The following SLC71A1 variants were observed in gnomAD, a reference collection of about 807,000 sequenced individuals.
The protein encoded by SLC71A1 is hippocampus abundant gene transcript 1.
At chr1:100,049,185 G>A in the SLC71A1 span, among the ~76,000 whole-genome samples, 2 of 152,086 alleles carry the variant, frequency 1.3e-5, no homozygotes, top group African/African-American at 2.4e-5. Context: ...CTCTGGCAGC[G>A]GTATAAACTT....
the SLC71A1 span, among the ~76,000 whole-genome samples, chr1:100,039,436 C>A: frequency 6.6e-6 from 1 of 152,130 alleles, no homozygotes; most frequent in African/African-American, 2.4e-5. Context: ...ACGGCCCAGT[C>A]AATATGCCAA....
At chr1:100,066,712 G>A in the SLC71A1 span, among the ~76,000 whole-genome samples, 7 of 152,046 alleles carry the variant, frequency 4.6e-5, no homozygotes, top group South Asian at 2.1e-4. Flanking sequence ...TAAATAGGCC[G>A]GGCATGGTGG....
chr1:100,049,675 C>T, the SLC71A1 span, among the ~76,000 whole-genome samples: 1 of 152,156 alleles, frequency 6.6e-6, no homozygotes, highest in South Asian at 2.1e-4. Context: ...CCCAAGCTCC[C>T]TTGGACTCTG....
the SLC71A1 span, among the ~76,000 whole-genome samples, chr1:100,055,198 CAGT>C: frequency 6.6e-6 from 1 of 152,134 alleles, no homozygotes; most frequent in Non-Finnish European, 1.5e-5. Context: ...ATTTGGCTTG[CAGT>C]AGGCCCTATG....
At chr1:100,072,008 C>G in the SLC71A1 span, among the ~76,000 whole-genome samples, 17,856 of 152,284 alleles carry the variant, frequency 0.12, 1,557 homozygotes, top group African/African-American at 0.24. Flanking sequence ...CAGCATGACA[C>G]ACACAGTCCA....
chr1:100,059,273 C>T, the SLC71A1 span, among the ~76,000 whole-genome samples: 1,569 of 149,858 alleles, frequency 0.01, 14 homozygotes, highest in Middle Eastern at 0.059. Flanking sequence ...ATTCTTCTGC[C>T]TCAGCCTCCT....
the SLC71A1 span, among the ~76,000 whole-genome samples, chr1:100,072,983 A>G: frequency 6.6e-6 from 1 of 152,036 alleles, no homozygotes; most frequent in Admixed American, 6.6e-5. Flanking sequence ...CAGCCTTAAC[A>G]TGGCCAAAAT....
At chr1:100,053,705 G>A in the SLC71A1 span, among the ~76,000 whole-genome samples, 6 of 152,270 alleles carry the variant, frequency 3.9e-5, 1 homozygote, top group South Asian at 1.2e-3. Context: ...AAAAAACTGT[G>A]TGTTGCAATT....
the SLC71A1 span, chr1:100,043,172 T>TC: frequency 3.1e-6 from 3 of 981,850 alleles, no homozygotes; most frequent in Non-Finnish European, 3.6e-6. Context: ...GAAATGTAAC[T>TC]CCTTTGCAGC....
the SLC71A1 span, among the ~76,000 whole-genome samples, chr1:100,055,633 GAT>G: frequency 6.6e-6 from 1 of 151,966 alleles, no homozygotes; most frequent in Non-Finnish European, 1.5e-5. Flanking sequence ...GGGTACATGA[GAT>G]ATTTTGATAC....
At chr1:100,054,167 C>T in the SLC71A1 span, among the ~76,000 whole-genome samples, 2 of 151,210 alleles carry the variant, frequency 1.3e-5, no homozygotes, top group African/African-American at 2.4e-5. Flanking sequence ...TCAGCCTCCC[C>T]AGTAGCTGGA....
At chr1:100,075,987 C>G in the SLC71A1 span, among the ~76,000 whole-genome samples, 1 of 152,154 alleles carries the variant, frequency 6.6e-6, no homozygotes, top group African/African-American at 2.4e-5. Flanking sequence ...CTAAATGTTT[C>G]TTTCAGTTGA....
chr1:100,070,106 T>C, the SLC71A1 span, among the ~76,000 whole-genome samples: 4 of 152,274 alleles, frequency 2.6e-5, no homozygotes, highest in Admixed American at 2.0e-4. Flanking sequence ...AAAACACCAA[T>C]GTAAACATAT....
the SLC71A1 span, among the ~76,000 whole-genome samples, chr1:100,044,620 A>G: frequency 6.8e-6 from 1 of 147,452 alleles, no homozygotes; most frequent in Non-Finnish European, 1.5e-5. Flanking sequence ...GGTTCAAGCC[A>G]TTCTCCTGCC....
At chr1:100,050,648 G>A in the SLC71A1 span, among the ~76,000 whole-genome samples, 1 of 152,056 alleles carries the variant, frequency 6.6e-6, no homozygotes, top group African/African-American at 2.4e-5. Context: ...GAGTTTTAAA[G>A]TAATATACTA....
chr1:100,066,301 C>T, the SLC71A1 span, among the ~76,000 whole-genome samples: 1 of 152,140 alleles, frequency 6.6e-6, no homozygotes, highest in Admixed American at 6.5e-5. Flanking sequence ...CAGTATGTAT[C>T]AAGATAAACG....
At chr1:100,041,939 A>C in the SLC71A1 span, among the ~76,000 whole-genome samples, 1 of 151,798 alleles carries the variant, frequency 6.6e-6, no homozygotes, top group East Asian at 1.9e-4. Context: ...AAAAAAAAGA[A>C]GTTTTTAGTT....
chr1:100,042,438 A>G, the SLC71A1 span, among the ~76,000 whole-genome samples: 1 of 152,096 alleles, frequency 6.6e-6, no homozygotes, highest in South Asian at 2.1e-4. Context: ...TTTCAAGAGC[A>G]GGACCCAAGC....
chr1:100,046,544 G>C, the SLC71A1 span, among the ~76,000 whole-genome samples: 1 of 152,148 alleles, frequency 6.6e-6, no homozygotes, highest in East Asian at 1.9e-4. Context: ...TGTTCTTTTT[G>C]CTCAGGATTG....
Sources: allele counts gnomAD v4.1 joint callset (sites outside exome capture counted in the v4.1 genomes callset), GRCh38; gene constraint gnomAD v4.1.1; transcripts MANE v1.5; gene names NCBI Gene and HGNC (gene_info 2026-07-23, HGNC 2026-07-21).